The following CAST variants were observed in gnomAD, a reference collection of about 807,000 sequenced individuals.
The protein encoded by CAST is MIR583 host.
CAST carries 76 observed loss-of-function variants against 119.6 expected under a neutral mutation model. The observed-to-expected ratio is 0.64, with a 90% CI of 0.53 to 0.77. The LOEUF is 0.77. CAST is among the 30% of genes least tolerant of loss of function. The probability of loss-of-function intolerance (pLI) is 0.00; values close to 1 mark genes in which losing one functional copy is unlikely to be tolerated. For synonymous variants in CAST, 319 were observed against 331.6 expected (o/e 0.96, Z 0.41); for missense variants, 953 against 946.5 (o/e 1.01, Z -0.09).
chr5:96,502,672 C>A, the CAST span, among the ~76,000 whole-genome samples: 2 of 144,726 alleles, frequency 1.4e-5, no homozygotes, highest in African/African-American at 5.3e-5. Context: ...TTCTTCTATC[C>A]ATCTAAACAT....
chr5:96,412,752 G>GTTTTGTTTTTT, the CAST span, among the ~76,000 whole-genome samples: 2 of 71,830 alleles, frequency 2.8e-5, no homozygotes, highest in African/African-American at 1.8e-4. Flanking sequence ...CAGCTGTGAT[G>GTTTTGTTTTTT]TTTTTTTTTT....
the CAST span, among the ~76,000 whole-genome samples, chr5:96,145,229 T>C: frequency 6.6e-6 from 1 of 152,236 alleles, no homozygotes; most frequent in Middle Eastern, 3.2e-3. Context: ...AGAACTAGGA[T>C]AATGCTTTTG....
chr5:96,349,139 ATT>A, the CAST span, among the ~76,000 whole-genome samples: 37 of 89,626 alleles, frequency 4.1e-4, no homozygotes, highest in South Asian at 5.1e-3. Context: ...CAAGGACACT[ATT>A]TTTTTTTTTT....
At chr5:96,066,800 C>T in the CAST span, among the ~76,000 whole-genome samples, 1 of 151,976 alleles carries the variant, frequency 6.6e-6, no homozygotes, top group East Asian at 1.9e-4. Flanking sequence ...GCTAGGACTA[C>T]AGGCATGCAC....
chr5:96,456,609 TACTTAA>T, the CAST span, among the ~76,000 whole-genome samples: 1 of 152,254 alleles, frequency 6.6e-6, no homozygotes, highest in Non-Finnish European at 1.5e-5. Flanking sequence ...TTCATTAATT[TACTTAA>T]ACAATTGAGT....
chr5:96,090,587 C>T, the CAST span, among the ~76,000 whole-genome samples: 2 of 151,978 alleles, frequency 1.3e-5, no homozygotes, highest in South Asian at 4.2e-4. Context: ...CTCCTGGGGC[C>T]TTCACTTTCC....
chr5:96,743,630 G>A (rs1763141491), intron 16 of CAST: 1 of 1,612,930 alleles, frequency 6.2e-7, no homozygotes, highest in East Asian at 2.2e-5. Flanking sequence ...GCCTAAGATG[G>A]GCCAGTTTCT....
intron 1 of CAST, among the ~76,000 whole-genome samples, chr5:96,674,666 C>T (rs1471295777): frequency 1.3e-5 from 2 of 152,066 alleles, no homozygotes; most frequent in Admixed American, 6.5e-5. Flanking sequence ...TTATACCCCA[C>T]GTAAAAATAT....
the CAST span, among the ~76,000 whole-genome samples, chr5:96,111,206 A>T: frequency 6.6e-6 from 1 of 152,218 alleles, no homozygotes; most frequent in Non-Finnish European, 1.5e-5. Flanking sequence ...TATAAAGGAT[A>T]TTCTAAAGGA....
At chr5:96,244,383 G>T in the CAST span, among the ~76,000 whole-genome samples, 2 of 152,078 alleles carry the variant, frequency 1.3e-5, no homozygotes, top group African/African-American at 4.8e-5. Flanking sequence ...ATATAGTGTT[G>T]TATTGTTCTG....
chr5:96,385,075 T>C, the CAST span, among the ~76,000 whole-genome samples: 1 of 152,196 alleles, frequency 6.6e-6, no homozygotes, highest in Non-Finnish European at 1.5e-5. Flanking sequence ...TGGCCCAACA[T>C]ACTAGAATAC....
chr5:96,450,170 G>T, the CAST span, among the ~76,000 whole-genome samples: 1 of 152,160 alleles, frequency 6.6e-6, no homozygotes, highest in Non-Finnish European at 1.5e-5. Context: ...CCCATCAAGA[G>T]ATGACGACTG....
At chr5:96,599,653 T>C (rs1388864384) in intron 1 of CAST, among the ~76,000 whole-genome samples, 1 of 152,142 alleles carries the variant, frequency 6.6e-6, no homozygotes, top group Non-Finnish European at 1.5e-5. Flanking sequence ...GGTCATCTTA[T>C]GGCAGATACA....
the CAST span, among the ~76,000 whole-genome samples, chr5:96,172,328 C>A: frequency 6.6e-6 from 1 of 152,190 alleles, no homozygotes; most frequent in South Asian, 2.1e-4. Flanking sequence ...ATTTTCACTT[C>A]TTTTGTGATT....
At chr5:96,660,909 G>T (rs972437441), upstream of CAST, among the ~76,000 whole-genome samples, 2 of 151,588 alleles carry the variant, frequency 1.3e-5, no homozygotes, top group Admixed American at 6.6e-5. Flanking sequence ...CTACCTGTTT[G>T]TTGAAATACT....
At chr5:96,400,456 A>G in the CAST span, among the ~76,000 whole-genome samples, 3 of 152,240 alleles carry the variant, frequency 2.0e-5, no homozygotes, top group Non-Finnish European at 4.4e-5. Context: ...CCTCAGCAAT[A>G]TAGAAGTATA....
intron 1 of CAST, among the ~76,000 whole-genome samples, chr5:96,590,525 A>G (rs1028298186): frequency 6.6e-6 from 1 of 152,204 alleles, no homozygotes; most frequent in Non-Finnish European, 1.5e-5. Context: ...CCTTAACCCC[A>G]GTGTGCCATA....
At chr5:96,546,651 A>G (rs1746022503) in intron 1 of CAST, 1 of 152,330 alleles carries the variant, frequency 6.6e-6, no homozygotes. Context: ...TTTGTCACAT[A>G]CACTTCAAGT....
At chr5:96,233,399 T>C in the CAST span, among the ~76,000 whole-genome samples, 1 of 152,098 alleles carries the variant, frequency 6.6e-6, no homozygotes, top group Non-Finnish European at 1.5e-5. Flanking sequence ...AATGGAGTAA[T>C]ATTAACATGT....
Sources: allele counts gnomAD v4.1 joint callset (sites outside exome capture counted in the v4.1 genomes callset), GRCh38; gene constraint gnomAD v4.1.1; transcripts MANE v1.5; gene names NCBI Gene and HGNC (gene_info 2026-07-23, HGNC 2026-07-21).